Variants in BOP1 observed in about 807,000 individuals in gnomAD.
BOP1 encodes the protein ribosome biogenesis protein BOP1.
Under a neutral mutation model 82.9 loss-of-function variants are expected in BOP1, and 54 were observed. The ratio of observed to expected loss-of-function variants is 0.65; its 90% CI spans 0.52 to 0.82. The LOEUF (loss-of-function observed/expected upper bound fraction) is 0.82, where lower values mean the gene tolerates loss of function less well. BOP1 is among the 40% of genes least tolerant of loss of function. BOP1 has a pLI of 0.00. For missense variants in BOP1, 1,170 were observed against 1,072.0 expected, an observed-to-expected ratio of 1.09 and a Z score of -1.28; for synonymous variants, 566 against 451.1, an observed-to-expected ratio of 1.25 and a Z score of -3.23.
At chr8:144,276,873 C>G (rs1845574955) in intron 2 of BOP1, among the ~76,000 whole-genome samples, 2 of 152,226 alleles carry the variant, frequency 1.3e-5, no homozygotes, top group African/African-American at 4.8e-5. Context: ...GCAGAGGGCC[C>G]AGAGAGGGCC....
intron 3 of BOP1, chr8:144,268,183 G>T: frequency 1.9e-6 from 3 of 1,549,366 alleles, no homozygotes; most frequent in Non-Finnish European, 2.6e-6. Flanking sequence ...GCTGCTGGGG[G>T]AGGTGGACGC....
At chr8:144,288,697 G>A (rs1023501771) in intron 2 of BOP1, among the ~76,000 whole-genome samples, 3 of 152,136 alleles carry the variant, frequency 2.0e-5, no homozygotes, top group Non-Finnish European at 2.9e-5. Context: ...AGCCCTGTGG[G>A]GTCAGGCCCA....
At chr8:144,278,259 G>A (rs906264390) in intron 2 of BOP1, among the ~76,000 whole-genome samples, 2 of 59,604 alleles carry the variant, frequency 3.4e-5, no homozygotes, top group South Asian at 6.3e-4. Context: ...AGCAGGATGC[G>A]GGGCCGCTGG....
At chr8:144,264,204 G>A in intron 7 of BOP1, 21 bp downstream of exon 7, 2 of 1,607,436 alleles carry the variant, frequency 1.2e-6, no homozygotes, top group Admixed American at 1.7e-5. Context: ...CAGGGTCCCG[G>A]CCCCCAGGAT....
chr8:144,264,436 A>G lies in BOP1; in HGVS notation c.767T>C (p.Val256Ala), dbSNP rs1845308952. The stretch of plus-strand genomic sequence containing the variant: ...CTTGATGGCGTGCACCATGCGAGAG[A>G]CCTGCATAGACAGCCGGGTCAGGAC... ...FIPSLVEKEKVSRMVHAIKMG... is the reference protein window; with the variant it reads ...FIPSLVEKEKASRMVHAIKMG... The change falls in exon 7 of 16, where the codon GTC becomes GCC. Residue 256 changes from valine (V) to alanine (A), a missense_variant and splice_region_variant. Physicochemically the swap from Val to Ala is moderately conservative, Grantham distance 64 (BLOSUM62 0). Coordinates refer to ENST00000569669, the MANE Select transcript of BOP1 (RefSeq NM_015201.5). The G allele has an allele frequency of 6.2e-7, 1 of 1,603,966 alleles. No homozygotes were observed. The highest frequency in any genetic ancestry group is 8.5e-7 in the Non-Finnish European group (1 of 1,179,642).
At chr8:144,268,278 CGAG>C (rs1845427346) in intron 3 of BOP1, 1 of 1,284,000 alleles carries the variant, frequency 7.8e-7, no homozygotes, top group Non-Finnish European at 1.1e-6. Context: ...GCCCTGGCTG[CGAG>C]CGGGGCCGAG....
rs551374319 is a variant in BOP1, at chr8:144,289,092, C to A, written c.309+3G>T. On this transcript the variant is annotated splice_donor_region_variant and intron_variant, in intron 2 of 15. Transcript: ENST00000569669. ...CCCTCGAGGGGGCTCCTCGCTCACC[C>A]ACCTGCACCTGCTCCTCAGTGGTCT... The A allele has an allele frequency of 1.9e-6, 3 of 1,614,102 alleles. No individual in the cohort carries two copies. The highest frequency in any genetic ancestry group is 2.5e-6 in the Non-Finnish European group (3 of 1,180,022).
intron 15 of BOP1, 22 bp downstream of exon 15, chr8:144,262,374 G>A (rs1173542298): frequency 2.5e-5 from 41 of 1,612,414 alleles, no homozygotes; most frequent in Non-Finnish European, 3.1e-5. Context: ...TGGGGAGGGG[G>A]CCAGGCAGGG....
At chr8:144,290,129 C>T (rs905179839) in intron 1 of BOP1, among the ~76,000 whole-genome samples, 18 of 152,188 alleles carry the variant, frequency 1.2e-4, no homozygotes, top group Non-Finnish European at 2.1e-4. Flanking sequence ...GAGGCTGAGG[C>T]GGGTGGATCA....
chr8:144,276,835 G>C (rs940223727), intron 2 of BOP1, among the ~76,000 whole-genome samples: 9 of 152,266 alleles, frequency 5.9e-5, no homozygotes, highest in African/African-American at 2.2e-4. Context: ...CACCCATCCC[G>C]GGGGCCACGT....
chr8:144,280,500 G>A (rs1322649203), intron 2 of BOP1, among the ~76,000 whole-genome samples: 1 of 152,262 alleles, frequency 6.6e-6, no homozygotes, highest in East Asian at 1.9e-4. Context: ...TGAGACGCTG[G>A]CGGGATCCCC....
chr8:144,277,805 G>C (rs191705513), intron 2 of BOP1, among the ~76,000 whole-genome samples: 48 of 55,744 alleles, frequency 8.6e-4, no homozygotes, highest in Admixed American at 3.3e-3. Context: ...GGGGCGGTGC[G>C]GGCAGGGGCG....
intron 3 of BOP1, among the ~76,000 whole-genome samples, chr8:144,269,858 G>A (rs1845463324): frequency 6.6e-6 from 1 of 152,166 alleles, no homozygotes. Context: ...GCGCTGGTGA[G>A]TGAGGAGCAG....
intron 3 of BOP1, among the ~76,000 whole-genome samples, chr8:144,272,193 C>G (rs1845503026): frequency 6.6e-6 from 1 of 152,138 alleles, no homozygotes; most frequent in Non-Finnish European, 1.5e-5. Context: ...CCAGTGCTCA[C>G]CCCTCCTCGG....
chr8:144,266,545 CCCGCGGCGG>C, intron 3 of BOP1: 38 of 996,964 alleles, frequency 3.8e-5, no homozygotes, highest in South Asian at 4.5e-5. Flanking sequence ...GCCCGCGAGG[CCCGCGGCGG>C]CCGCAGGAGG....
chr8:144,281,119 G>C (rs1432588170), intron 2 of BOP1, among the ~76,000 whole-genome samples: 10,781 of 45,188 alleles, frequency 0.24, 3,476 homozygotes, highest in African/African-American at 0.31. Flanking sequence ...CCTTCTCTCA[G>C]TTTAATACCA....
In BOP1 at chr8:144,264,614, C is replaced by T. The variant is rs1261251013; in HGVS notation, c.666G>A (p.Pro222=). 1.3e-5 allele frequency: 20 copies of T among 1,595,302 alleles called. No individual in the cohort carries two copies. The highest frequency in any genetic ancestry group is 1.9e-4 in the Middle Eastern group (1 of 5,286). ...FGDVGFNPYE[P]AVDFFSGDVM... is the part of the protein sequence containing the mutation. ...CGTCCCCGCTGAAGAAGTCGACAGCCGGCTGGGGGAGAAGATGTGGGCGTG... is the reference window on the plus strand; with the variant it reads ...CGTCCCCGCTGAAGAAGTCGACAGCTGGCTGGGGGAGAAGATGTGGGCGTG... Residue 222 remains proline (P), a splice_region_variant and synonymous_variant, in exon 6 of 16, where the codon CCG becomes CCA. Coordinates refer to ENST00000569669, the MANE Select transcript of BOP1 (RefSeq NM_015201.5).
intron 3 of BOP1, among the ~76,000 whole-genome samples, chr8:144,271,910 G>A (rs1401151384): frequency 6.6e-6 from 1 of 152,104 alleles, no homozygotes; most frequent in African/African-American, 2.4e-5. Flanking sequence ...AGCCACTACT[G>A]ACCCAGGGGT....
chr8:144,267,354 G>GGGA (rs1653262307), intron 3 of BOP1, among the ~76,000 whole-genome samples: 1 of 151,946 alleles, frequency 6.6e-6, no homozygotes, highest in Non-Finnish European at 1.5e-5. Context: ...CTCCTCTCCA[G>GGGA]GGCGTCCCTA....
Sources: allele counts gnomAD v4.1 joint callset (sites outside exome capture counted in the v4.1 genomes callset), GRCh38; gene constraint gnomAD v4.1.1; transcripts MANE v1.5; gene names NCBI Gene and HGNC (gene_info 2026-07-23, HGNC 2026-07-21).